Variants in SHISA6 observed in about 807,000 individuals in gnomAD.
SHISA6 encodes shisa family member 6.
SHISA6 carries 22 observed loss-of-function variants against 47.9 expected under a neutral mutation model. The ratio of observed to expected loss-of-function variants is 0.46; its 90% CI spans 0.33 to 0.66. SHISA6 has a LOEUF of 0.66. SHISA6 is among the 30% of genes least tolerant of loss of function. The probability of loss-of-function intolerance (pLI) is 0.02; values close to 1 mark genes in which losing one functional copy is unlikely to be tolerated. For synonymous variants in SHISA6, 388 were observed against 337.8 expected (o/e 1.15, Z -1.63); for missense variants, 680 against 764.6 (o/e 0.89, Z 1.30).
chr17:11,541,457 G>A (rs2142379135), intron 3 of SHISA6, among the ~76,000 whole-genome samples: 1 of 152,302 alleles, frequency 6.6e-6, no homozygotes, highest in Non-Finnish European at 1.5e-5. Context: ...AGCAAGAACT[G>A]CAAAGAGTCC....
intron 3 of SHISA6, among the ~76,000 whole-genome samples, chr17:11,522,170 T>C (rs2071635424): frequency 6.6e-6 from 1 of 151,926 alleles, no homozygotes; most frequent in Admixed American, 6.6e-5. Flanking sequence ...TTTCACCGTG[T>C]TAGCCACGAT....
intron 1 of SHISA6, among the ~76,000 whole-genome samples, chr17:11,252,691 T>G (rs1022231622): frequency 3.3e-5 from 5 of 152,102 alleles, no homozygotes; most frequent in African/African-American, 1.2e-4. Flanking sequence ...TCAGATACAA[T>G]CACTAGGGAA....
intron 2 of SHISA6, among the ~76,000 whole-genome samples, chr17:11,310,517 G>A (rs1390179921): frequency 6.6e-6 from 1 of 152,106 alleles, no homozygotes; most frequent in African/African-American, 2.4e-5. Flanking sequence ...CTGAATGGCT[G>A]GAACAGAAGG....
chr17:11,478,904 G>A (rs1416146239), intron 3 of SHISA6, among the ~76,000 whole-genome samples: 1 of 150,420 alleles, frequency 6.6e-6, no homozygotes, highest in Non-Finnish European at 1.5e-5. Context: ...GGCGATGCGG[G>A]CTCTTTTTTG....
chr17:11,311,878 C>T (rs553151271), intron 2 of SHISA6, among the ~76,000 whole-genome samples: 38 of 152,102 alleles, frequency 2.5e-4, no homozygotes, highest in African/African-American at 8.7e-4. Context: ...CGGGTTCAAG[C>T]GATTCTTCTG....
chr17:11,491,768 GTGTTT>G (rs1916489121), intron 3 of SHISA6, among the ~76,000 whole-genome samples: 1 of 107,884 alleles, frequency 9.3e-6, no homozygotes, highest in Non-Finnish European at 2.0e-5. Context: ...AGCTGGTGAA[GTGTTT>G]TTTTTTTTTT....
At chr17:11,530,187 C>G (rs2071720328) in intron 3 of SHISA6, among the ~76,000 whole-genome samples, 1 of 152,126 alleles carries the variant, frequency 6.6e-6, no homozygotes, top group South Asian at 2.1e-4. Flanking sequence ...ACACTAAGTT[C>G]TGCCTGTTAC....
intron 3 of SHISA6, among the ~76,000 whole-genome samples, chr17:11,433,876 A>G (rs1047121319): frequency 2.0e-5 from 3 of 152,108 alleles, no homozygotes. Context: ...GGGATCTGCC[A>G]TCCAAACAAG....
intron 2 of SHISA6, among the ~76,000 whole-genome samples, chr17:11,333,876 T>C (rs1301287050): frequency 1.3e-5 from 2 of 152,194 alleles, no homozygotes; most frequent in Non-Finnish European, 2.9e-5. Context: ...TTCAGAGAGC[T>C]TCTGGTCTGG....
At chr17:11,277,280 T>TCTCTCACACA (rs1386997909) in intron 2 of SHISA6, among the ~76,000 whole-genome samples, 37 of 53,916 alleles carry the variant, frequency 6.9e-4, no homozygotes, top group East Asian at 3.6e-3. Flanking sequence ...TCTCTCTCTC[T>TCTCTCACACA]CACACACACA....
intron 1 of SHISA6, among the ~76,000 whole-genome samples, chr17:11,257,670 AAAG>A (rs1908069314): frequency 1.3e-5 from 2 of 151,750 alleles, no homozygotes; most frequent in Admixed American, 6.6e-5. Flanking sequence ...CAAAAAAAAA[AAAG>A]AAAAAAAGAA....
chr17:11,544,408 T>C (rs2071864034), intron 3 of SHISA6, among the ~76,000 whole-genome samples: 1 of 152,098 alleles, frequency 6.6e-6, no homozygotes, highest in African/African-American at 2.4e-5. Flanking sequence ...CGACGAGACA[T>C]TATACTGAAG....
At chr17:11,486,331 T>A (rs982592401) in intron 3 of SHISA6, among the ~76,000 whole-genome samples, 3 of 152,216 alleles carry the variant, frequency 2.0e-5, no homozygotes, top group Non-Finnish European at 4.4e-5. Context: ...CACATTGTAC[T>A]GTAATGGTTT....
chr17:11,357,024 A>G (rs992003902), intron 2 of SHISA6, among the ~76,000 whole-genome samples: 1 of 151,874 alleles, frequency 6.6e-6, no homozygotes, highest in African/African-American at 2.4e-5. Flanking sequence ...TACAACAACA[A>G]CAACAACAAA....
intron 2 of SHISA6, among the ~76,000 whole-genome samples, chr17:11,311,367 CTT>C (rs1910337284): frequency 6.6e-6 from 1 of 150,956 alleles, no homozygotes; most frequent in Admixed American, 6.6e-5. Context: ...TCTTTGGAAT[CTT>C]TGCATTTATG....
At chr17:11,360,578 AAAG>A (rs2142228857) in intron 2 of SHISA6, among the ~76,000 whole-genome samples, 1 of 151,880 alleles carries the variant, frequency 6.6e-6, no homozygotes, top group East Asian at 1.9e-4. Context: ...AAAAAAAAAA[AAAG>A]AGAACACATG....
rs1235796316 is a variant in SHISA6 at position 11,561,402 on chromosome 17, T to A, written c.*3098T>A. 6.6e-6 allele frequency: 1 copy of A among 152,384 alleles called. No homozygotes were observed. Among genetic ancestry groups the A allele is most frequent in the Non-Finnish European group, 1.5e-5 (1 of 68,232 alleles). The allele number at this position is 152,384 out of a possible 1,614,324, so 9.4% of individuals were successfully genotyped here. ...TCTGATGGCATTGAAGCTTTCACAA[T>A]CCCTCCTGCATCTCCACCTTCCCTG... On this transcript the variant is annotated 3_prime_UTR_variant, in exon 6 of 6. Transcript: ENST00000441885.
At chr17:11,269,288 C>A (rs994616554) in intron 2 of SHISA6, among the ~76,000 whole-genome samples, 1 of 152,140 alleles carries the variant, frequency 6.6e-6, no homozygotes, top group Non-Finnish European at 1.5e-5. Context: ...GACCCACCCA[C>A]CGTGGCCTCC....
At chr17:11,493,581 G>GCACACA (rs34898125) in intron 3 of SHISA6, among the ~76,000 whole-genome samples, 1 of 148,766 alleles carries the variant, frequency 6.7e-6, no homozygotes, top group Non-Finnish European at 1.5e-5. Context: ...GCGTGCGCGC[G>GCACACA]CACACACACA....
Sources: gnomAD v4.1 joint callset for allele counts (sites outside exome capture counted in the v4.1 genomes callset) on GRCh38, gnomAD v4.1.1 for gene constraint, MANE v1.5 for transcripts, NCBI Gene and HGNC (gene_info 2026-07-23, HGNC 2026-07-21) for gene names.